Variants in LPO observed in about 807,000 individuals in gnomAD.
The protein encoded by LPO is lactoperoxidase.
In LPO, 70 loss-of-function variants were observed where a neutral mutation model predicts 68.4. That is an observed-to-expected ratio of 1.02 (90% CI 0.84 to 1.25). LPO has a LOEUF of 1.25. LPO is among the 50% of genes most tolerant of loss of function. The pLI is 0.00. For synonymous variants in LPO, 360 were observed against 357.6 expected (o/e 1.01, Z -0.08); for missense variants, 873 against 908.4 (o/e 0.96, Z 0.50).
intron 5 of LPO, 184 bp from the exon 6 acceptor site, chr17:58,249,382 T>C: frequency 9.8e-7 from 1 of 1,025,148 alleles, no homozygotes; most frequent in Non-Finnish European, 1.4e-6. Context: ...GCGGCACCTT[T>C]CCCCGGGGCG....
At chr17:58,258,332 A>G (rs182497192) in intron 9 of LPO, among the ~76,000 whole-genome samples, 2 of 152,348 alleles carry the variant, frequency 1.3e-5, no homozygotes, top group East Asian at 3.9e-4. Context: ...GGTAAAAGAT[A>G]GGGGTCTAGT....
At chr17:58,249,278 C>T in intron 5 of LPO, 101 bp downstream of exon 5, 1 of 1,111,408 alleles carries the variant, frequency 9.0e-7, no homozygotes, top group Non-Finnish European at 1.3e-6. Flanking sequence ...CTGCCACTGC[C>T]TTGCCCACCT....
intron 9 of LPO, among the ~76,000 whole-genome samples, chr17:58,261,464 C>G (rs905809904): frequency 2.6e-5 from 4 of 151,780 alleles, no homozygotes; most frequent in Non-Finnish European, 5.9e-5. Flanking sequence ...CATGATCTTT[C>G]TTATTCCATC....
chr17:58,242,703 C>G (rs1264146207), intron 1 of LPO, among the ~76,000 whole-genome samples: 1 of 152,208 alleles, frequency 6.6e-6, no homozygotes, highest in East Asian at 1.9e-4. Flanking sequence ...GGTCACAGAG[C>G]TATTGGAGCA....
Position 58,245,575 on chromosome 17 carries a change from C to T in LPO, c.164+1494C>T, listed in dbSNP as rs8178303. On this transcript the variant is annotated intron_variant, in intron 3 of 12. Transcript: ENST00000262290. ...CCAGAAGACTAGCAGCTTCGCCCTA[C>T]TGTTGAGGCGGTGCAGATTCCAGAT... Among the ~76,000 whole-genome samples, 22 of 152,282 alleles carry T rather than the reference C, an allele frequency of 1.4e-4. No individual in the cohort carries two copies. In the South Asian group the frequency reaches 3.3e-3, roughly 23 times the overall value.
chr17:58,266,038 C>A, intron 10 of LPO, 115 bp from the exon 11 acceptor site: 1 of 981,516 alleles, frequency 1.0e-6, no homozygotes. Flanking sequence ...CCTGGGATGT[C>A]CAGGTGACCC....
chr17:58,244,416 T>A (rs1016112332), intron 3 of LPO: 1 of 316,596 alleles, frequency 3.2e-6, no homozygotes, highest in Non-Finnish European at 5.8e-6. Context: ...TCTTCATTCA[T>A]CCAGCTGATA....
intron 8 of LPO, 191 bp from the exon 9 acceptor site, chr17:58,254,620 A>G (rs1260637852): frequency 3.5e-6 from 2 of 567,958 alleles, no homozygotes; most frequent in East Asian, 5.9e-5. Context: ...AAGTGTGTAT[A>G]TAGAACTGAG....
intron 2 of LPO, chr17:58,243,597 C>T (rs544908226): frequency 1.5e-5 from 4 of 268,630 alleles, no homozygotes; most frequent in African/African-American, 8.8e-5. Flanking sequence ...CTCATGCCAT[C>T]CCCTTCTGTA....
intron 4 of LPO, among the ~76,000 whole-genome samples, chr17:58,248,190 G>A (rs1452223990): frequency 6.6e-6 from 1 of 152,176 alleles, no homozygotes; most frequent in Non-Finnish European, 1.5e-5. Context: ...CCCACAGAGG[G>A]TCATGAGGAA....
chr17:58,254,575 GT>G, intron 8 of LPO: 3 of 415,484 alleles, frequency 7.2e-6, no homozygotes, highest in Non-Finnish European at 1.3e-5. Flanking sequence ...AGGCTCAGAA[GT>G]GTTAAGTAAC....
At chr17:58,250,881 G>A in intron 7 of LPO, 1 of 494,730 alleles carries the variant, frequency 2.0e-6, no homozygotes, top group Non-Finnish European at 3.7e-6. Flanking sequence ...CAAAGGGCCA[G>A]TGTGGGAATT....
chr17:58,260,640 A>C (rs142286226), intron 9 of LPO, among the ~76,000 whole-genome samples: 77 of 152,316 alleles, frequency 5.1e-4, no homozygotes, highest in Admixed American at 1.2e-3. Flanking sequence ...ATCAATTGAT[A>C]GGATCATATG....
rs1383509731 is a variant in LPO, at chr17:58,267,592, T to C, written c.1931+6T>C. 1.2e-6 allele frequency: 2 copies of C among 1,600,642 alleles called. No homozygotes were observed. Among genetic ancestry groups the C allele is most frequent in the Non-Finnish European group, 1.7e-6 (2 of 1,171,540 alleles). ...CAGATCCGTGATGGAGACAGGCAAG[T>C]GCGTCCTCAGCCAGGGAGGGAAGGG... On this transcript the variant is annotated splice_donor_region_variant and intron_variant, in intron 12 of 12. Transcript: ENST00000262290.
intron 4 of LPO, among the ~76,000 whole-genome samples, chr17:58,248,254 C>T (rs939969212): frequency 2.0e-5 from 3 of 152,194 alleles, no homozygotes; most frequent in African/African-American, 7.2e-5. Flanking sequence ...GGGAAAACAT[C>T]AAGTGAGGGG....
intron 9 of LPO, among the ~76,000 whole-genome samples, chr17:58,260,628 G>A (rs1970158455): frequency 6.6e-6 from 1 of 152,020 alleles, no homozygotes; most frequent in Non-Finnish European, 1.5e-5. Flanking sequence ...CGGTTTTTCT[G>A]CATCAATTGA....
At chr17:58,256,704 C>T (rs1157341183) in intron 9 of LPO, among the ~76,000 whole-genome samples, 1 of 151,684 alleles carries the variant, frequency 6.6e-6, no homozygotes, top group Non-Finnish European at 1.5e-5. Context: ...GTCCCAGCTA[C>T]TCGGGAGGAT....
chr17:58,254,703 C>CGGG, intron 8 of LPO, 108 bp from the exon 9 acceptor site: 8 of 884,284 alleles, frequency 9.0e-6, no homozygotes, highest in Non-Finnish European at 1.2e-5. Flanking sequence ...GTTGACGGGG[C>CGGG]GGGGGGGGCG....
chr17:58,253,599 C>T (rs938358755), intron 8 of LPO, among the ~76,000 whole-genome samples: 6 of 152,130 alleles, frequency 3.9e-5, no homozygotes, highest in African/African-American at 1.2e-4. Context: ...TCTCTGTCTC[C>T]GGCTTCTAGA....
Sources: gnomAD v4.1 joint callset for allele counts (sites outside exome capture counted in the v4.1 genomes callset) on GRCh38, gnomAD v4.1.1 for gene constraint, MANE v1.5 for transcripts, NCBI Gene and HGNC (gene_info 2026-07-23, HGNC 2026-07-21) for gene names.